The following ST6GALNAC6 variants were observed in gnomAD, a reference collection of about 807,000 sequenced individuals.
The protein encoded by ST6GALNAC6 is ST6 N-acetylgalactosaminide alpha-2,6-sialyltransferase 6.
A neutral mutation model predicts 34.3 loss-of-function variants in ST6GALNAC6; 19 were observed. That is an observed-to-expected ratio of 0.55 (90% CI 0.39 to 0.81). The LOEUF (loss-of-function observed/expected upper bound fraction) is 0.81, where lower values mean the gene tolerates loss of function less well. Among genes scored for constraint, ST6GALNAC6 ranks in the 40% least tolerant of loss-of-function variants. ST6GALNAC6 has a pLI of 0.00. For synonymous variants in ST6GALNAC6, 185 were observed against 182.1 expected, an observed-to-expected ratio of 1.02 and a Z score of -0.13; for missense variants, 377 against 467.7, an observed-to-expected ratio of 0.81 and a Z score of 1.79.
chr9:127,902,317 C>T (rs548318079), upstream of ST6GALNAC6, among the ~76,000 whole-genome samples: 1 of 151,736 alleles, frequency 6.6e-6, no homozygotes, highest in Non-Finnish European at 1.5e-5. Context: ...GGCCACCACG[C>T]CCAGCTAATT....
At chr9:127,892,991 C>T (rs1388627543) in intron 4 of ST6GALNAC6, among the ~76,000 whole-genome samples, 1 of 152,208 alleles carries the variant, frequency 6.6e-6, no homozygotes, top group Non-Finnish European at 1.5e-5. Context: ...CCTCATTTGG[C>T]TGGCCCTGCG....
At chr9:127,898,790 G>C (rs1192037901) in intron 1 of ST6GALNAC6, among the ~76,000 whole-genome samples, 1 of 152,250 alleles carries the variant, frequency 6.6e-6, no homozygotes, top group Non-Finnish European at 1.5e-5. Flanking sequence ...ATCCCTCTCG[G>C]CTGGAACGGG....
intron 1 of ST6GALNAC6, chr9:127,904,781 C>T (rs1271545379): frequency 6.6e-6 from 1 of 152,462 alleles, no homozygotes; most frequent in Non-Finnish European, 1.5e-5. Context: ...GGGCTCCCGG[C>T]CAGAGGGTCT....
Position 127,890,592 on chromosome 9 carries a change from A to G in ST6GALNAC6, c.704+45T>C. On this transcript the variant is annotated intron_variant, in intron 5 of 6. Coordinates refer to ENST00000373146, the MANE Select transcript of ST6GALNAC6 (RefSeq NM_013443.5). This position sits in a 1 kb window ranked among gnomAD's most constrained non-coding sequence, Gnocchi z 4.3. ...GGCCCTCTGGATGGGGCATGCTGAG[A>G]AGGAGCACAGTGCTGGCCAGAGGGG... 1 of 1,609,770 alleles carries G rather than the reference A, an allele frequency of 6.2e-7. No individual in the cohort carries two copies. Among genetic ancestry groups the G allele is most frequent in the Non-Finnish European group, 8.5e-7 (1 of 1,177,872 alleles).
In ST6GALNAC6 at chr9:127,898,017, A is replaced by T; in HGVS notation, c.-29-7T>A. The T allele has an allele frequency of 2.3e-6, 3 of 1,293,284 alleles. No homozygotes were observed. The highest frequency in any genetic ancestry group is 3.3e-6 in the Non-Finnish European group (3 of 903,122). The allele number at this position is 1,293,284 out of a possible 1,614,324, so 80.1% of individuals were successfully genotyped here. A position where few individuals can be genotyped will look rare whatever the true frequency, so the allele number is the denominator to read the frequency against. On this transcript the variant is annotated splice_polypyrimidine_tract_variant and splice_region_variant and intron_variant, in intron 1 of 6. Transcript: ENST00000373146. ...TGAGCCTCAGTTTCCTCATCTGTGA[A>T]ATGGGAACAATAAGAGTCGGTAACT...
chr9:127,901,435 C>T (rs1193911193), upstream of ST6GALNAC6, among the ~76,000 whole-genome samples: 5 of 150,904 alleles, frequency 3.3e-5, no homozygotes, highest in East Asian at 9.9e-4. Flanking sequence ...ACTAAAAATA[C>T]AAATAAATTA....
Position 127,897,967 on chromosome 9 carries a change from C to T in ST6GALNAC6, c.15G>A (p.Arg5=). The T allele has an allele frequency of 6.2e-7, 1 of 1,602,882 alleles. No individual in the cohort carries two copies. The highest frequency in any genetic ancestry group is 8.5e-7 in the Non-Finnish European group (1 of 1,172,154). The stretch of plus-strand genomic sequence containing the variant: ...GTTTCACCACTTACTGGCTGGGGGG[C>T]CTCGAGCAAGCCATGTGACCTCTCT... MACS[R]PPSQCEPTSL... Residue 5 remains arginine, a synonymous_variant, in exon 2 of 7, where the codon AGG becomes AGA. Coordinates refer to ENST00000373146, the MANE Select transcript of ST6GALNAC6 (RefSeq NM_013443.5).
chr9:127,898,109 C>T (rs1830582657), intron 1 of ST6GALNAC6, 99 bp from the exon 2 acceptor site: 3 of 716,712 alleles, frequency 4.2e-6, no homozygotes, highest in Non-Finnish European at 7.3e-6. Flanking sequence ...AGTGCTCCCA[C>T]ATTGGCCGGG....
In ST6GALNAC6 at chr9:127,885,641, CCAGA is replaced by C. The variant is rs1238963211; in HGVS notation, c.*954_*957del. ...AGACCCTCGGAAGCCCCCAGTGACT[CCAGA>C]CAAAGGGGCAGCCCCAAAGGCGCCT... is the stretch of plus-strand genomic sequence containing the variant. On this transcript the variant is annotated 3_prime_UTR_variant, in exon 7 of 7. Coordinates refer to ENST00000373146, the MANE Select transcript of ST6GALNAC6 (RefSeq NM_013443.5). 1.3e-5 allele frequency: 2 copies of C among 152,258 alleles called. No individual in the cohort carries two copies. The highest frequency in any genetic ancestry group is 4.8e-5 in the African/African-American group (2 of 41,454). The allele number at this position is 152,258 out of a possible 1,614,324, so 9.4% of individuals were successfully genotyped here. A position where few individuals can be genotyped will look rare whatever the true frequency, so the allele number is the denominator to read the frequency against.
chr9:127,905,926 C>T (rs559243092), upstream of ST6GALNAC6: 25 of 985,326 alleles, frequency 2.5e-5, no homozygotes, highest in Admixed American at 6.1e-5. Context: ...GACTCCATCC[C>T]GCCCTTACCT....
intron 5 of ST6GALNAC6, among the ~76,000 whole-genome samples, chr9:127,889,963 A>T (rs1830039040): frequency 6.6e-6 from 1 of 151,980 alleles, no homozygotes; most frequent in Admixed American, 6.5e-5. Context: ...ATGTAATCTC[A>T]TTCTGTCACC....
At position 127,899,546 on chromosome 9, in the gene ST6GALNAC6, T is replaced by G; in HGVS notation, c.-73A>C. Reference sequence around the variant, plus strand: ...GGCCCCCCGCGGCCCCCGAGCCCCCTCACATGGCGCCGGGAGCCGAGCGCC... The same window carrying G: ...GGCCCCCCGCGGCCCCCGAGCCCCCGCACATGGCGCCGGGAGCCGAGCGCC... On this transcript the variant is annotated 5_prime_UTR_variant, in exon 1 of 7. It removes the in-frame stop codon of an upstream open reading frame in the 5' UTR. Transcript: ENST00000373146. 1.0e-6 allele frequency: 1 copy of G among 979,898 alleles called. No homozygotes were observed. Among genetic ancestry groups the G allele is most frequent in the Non-Finnish European group, 1.2e-6 (1 of 827,778 alleles). 60.7% of individuals were successfully genotyped at this position (979,898 alleles called of 1,614,324 possible).
At chr9:127,892,844 G>A (rs924542592) in intron 4 of ST6GALNAC6, among the ~76,000 whole-genome samples, 9 of 152,038 alleles carry the variant, frequency 5.9e-5, no homozygotes, top group East Asian at 1.9e-4. Context: ...GAACTGACTC[G>A]GCAGGTGAAG....
upstream of ST6GALNAC6, chr9:127,906,152 G>A (rs941460844): frequency 2.0e-5 from 8 of 402,342 alleles, no homozygotes; most frequent in African/African-American, 2.1e-5. Context: ...AGGGCGGGAG[G>A]GAGAGTATGC....
At chr9:127,893,469 C>A (rs371813947) in intron 4 of ST6GALNAC6, among the ~76,000 whole-genome samples, 1 of 152,138 alleles carries the variant, frequency 6.6e-6, no homozygotes, top group Non-Finnish European at 1.5e-5. Flanking sequence ...TTTTTGCCCA[C>A]GGAATTCCCA....
At chr9:127,891,800 G>A (rs915770735) in intron 4 of ST6GALNAC6, among the ~76,000 whole-genome samples, 3 of 144,902 alleles carry the variant, frequency 2.1e-5, no homozygotes, top group African/African-American at 7.6e-5. Flanking sequence ...GGAGGGGAAG[G>A]GAGGGGAAAC....
intron 3 of ST6GALNAC6, among the ~76,000 whole-genome samples, chr9:127,895,308 C>T (rs752877821): frequency 1.3e-5 from 2 of 152,196 alleles, no homozygotes; most frequent in Admixed American, 6.5e-5. Flanking sequence ...TCAGTGCACA[C>T]GGCCTCTCCA....
At chr9:127,887,449 G>A in intron 6 of ST6GALNAC6, 35 bp downstream of exon 6, 2 of 1,571,448 alleles carry the variant, frequency 1.3e-6, no homozygotes, top group Non-Finnish European at 1.7e-6. Context: ...GTGCCTGGGT[G>A]TTGTCCTGGG....
At chr9:127,905,419 G>C (rs1342979300), upstream of ST6GALNAC6, 2 of 985,416 alleles carry the variant, frequency 2.0e-6, no homozygotes, top group African/African-American at 3.5e-5. Flanking sequence ...TACCCCACCC[G>C]AGGGTAGGGC....
Sources: gnomAD v4.1 joint callset for allele counts (sites outside exome capture counted in the v4.1 genomes callset) on GRCh38, gnomAD v4.1.1 for gene constraint, Gnocchi (gnomAD v3.1) non-coding constraint, MANE v1.5 for transcripts, NCBI Gene and HGNC (gene_info 2026-07-23, HGNC 2026-07-21) for gene names.